RYR3: variants seen among roughly 807,000 people sequenced by gnomAD.
RYR3 encodes ryanodine receptor 3, also known as brain ryanodine receptor-calcium release channel.
A neutral mutation model predicts 584.3 loss-of-function variants in RYR3; 207 were observed. That is an observed-to-expected ratio of 0.35 (90% CI 0.32 to 0.40). RYR3 has a LOEUF of 0.40. Among genes scored for constraint, RYR3 ranks in the 10% least tolerant of loss-of-function variants. The pLI, the probability that RYR3 is intolerant of heterozygous loss-of-function variation, is 1.00. For synonymous variants in RYR3, 2,416 were observed against 2,248.5 expected, an observed-to-expected ratio of 1.07 and a Z score of -2.11; for missense variants, 5,616 against 6,089.2, an observed-to-expected ratio of 0.92 and a Z score of 2.59.
intron 4 of RYR3, among the ~76,000 whole-genome samples, chr15:33,531,859 A>T (rs1373938120): frequency 6.6e-6 from 1 of 152,144 alleles, no homozygotes; most frequent in Non-Finnish European, 1.5e-5. Flanking sequence ...TCTGGTGTTT[A>T]TCTATAGGGT....
At chr15:33,445,107 T>C (rs1284596728) in intron 1 of RYR3, among the ~76,000 whole-genome samples, 2 of 152,210 alleles carry the variant, frequency 1.3e-5, no homozygotes, top group Non-Finnish European at 2.9e-5. Flanking sequence ...AAGATTCCAT[T>C]CTTGGCCAAG....
At chr15:33,864,315 A>C in intron 103 of RYR3, 126 bp downstream of exon 103, 1 of 721,894 alleles carries the variant, frequency 1.4e-6, no homozygotes, top group East Asian at 2.8e-5. Context: ...TTTTCCCATC[A>C]CCTTTTTGTG....
At chr15:33,478,561 C>T (rs184590856) in intron 2 of RYR3, among the ~76,000 whole-genome samples, 5 of 152,300 alleles carry the variant, frequency 3.3e-5, no homozygotes. Context: ...AAGCAATGTA[C>T]CCTGGTAACA....
intron 62 of RYR3, among the ~76,000 whole-genome samples, chr15:33,770,728 C>T (rs958047446): frequency 3.3e-5 from 5 of 151,502 alleles, no homozygotes; most frequent in African/African-American, 1.2e-4. Flanking sequence ...GAGTGAGACC[C>T]CATCTCAAAA....
rs537770649 is a variant in RYR3 at position 33,488,251 on chromosome 15, T to A, written c.171+14713T>A. Among the ~76,000 whole-genome samples, 4 of 152,356 alleles carry A rather than the reference T, an allele frequency of 2.6e-5. No individual in the cohort carries two copies. The South Asian group carries it at 8.3e-4, about 32-fold the overall frequency. Reference sequence around the variant, plus strand: ...GTGTAAAGTAGCACCATAAGTCTGCTGTTCATTTGTCATTTACTTGCTCAC... The same window carrying A: ...GTGTAAAGTAGCACCATAAGTCTGCAGTTCATTTGTCATTTACTTGCTCAC... On this transcript the variant is annotated intron_variant, in intron 2 of 103. Coordinates refer to ENST00000634891, the MANE Select transcript of RYR3 (RefSeq NM_001036.6).
At chr15:33,511,394 C>T (rs1192691992) in intron 3 of RYR3, among the ~76,000 whole-genome samples, 1 of 148,488 alleles carries the variant, frequency 6.7e-6, no homozygotes, top group Admixed American at 6.7e-5. Flanking sequence ...AAGTTGAAAG[C>T]TTTCAGCAAA....
rs570454654 is a variant in RYR3, at chr15:33,383,470, T to C, written c.51+72374T>C. 4.6e-5 allele frequency among the ~76,000 whole-genome samples: 7 copies of C among 152,068 alleles called. No homozygotes were observed. The East Asian group carries it at 1.2e-3, about 25-fold the overall frequency. The stretch of plus-strand genomic sequence containing the variant: ...TGGATTTCATAATAGCATGAGTTAA[T>C]GTCCGGCATTTTCATGGGGTCCACA... On this transcript the variant is annotated intron_variant, in intron 1 of 103. Transcript: ENST00000634891.
chr15:33,369,407 G>T (rs1166969879), intron 1 of RYR3, among the ~76,000 whole-genome samples: 1 of 152,120 alleles, frequency 6.6e-6, no homozygotes, highest in Non-Finnish European at 1.5e-5. Context: ...TCTCCCTTTT[G>T]TTAAAAGCCT....
intron 85 of RYR3, 21 bp downstream of exon 85, chr15:33,827,308 C>CA (rs2077428916): frequency 1.3e-6 from 2 of 1,541,050 alleles, no homozygotes; most frequent in South Asian, 2.4e-5. Context: ...GGGCCTTGGA[C>CA]AATGGGACCT....
intron 1 of RYR3, among the ~76,000 whole-genome samples, chr15:33,455,511 G>A (rs928901909): frequency 6.6e-6 from 1 of 152,122 alleles, no homozygotes; most frequent in African/African-American, 2.4e-5. Flanking sequence ...GTGCCTTAAA[G>A]GCCAAAAGAA....
At chr15:33,780,409 G>T in intron 65 of RYR3, 68 bp downstream of exon 65, 1 of 1,540,760 alleles carries the variant, frequency 6.5e-7, no homozygotes, top group South Asian at 1.2e-5. Context: ...CACACAGGCA[G>T]GGAGCAGCAG....
At chr15:33,507,956 G>A (rs573400691) in intron 3 of RYR3, among the ~76,000 whole-genome samples, 1 of 152,206 alleles carries the variant, frequency 6.6e-6, no homozygotes, top group Admixed American at 6.5e-5. Flanking sequence ...CCTGTTATAC[G>A]GATCCTTCAG....
intron 60 of RYR3, 53 bp from the exon 61 acceptor site, chr15:33,768,605 C>A: frequency 2.0e-6 from 3 of 1,521,738 alleles, no homozygotes; most frequent in Non-Finnish European, 1.8e-6. Context: ...GGATACAAAG[C>A]GTGAGTCCTT....
chr15:33,676,202 G>C (rs2064166165), intron 38 of RYR3, among the ~76,000 whole-genome samples: 1 of 151,210 alleles, frequency 6.6e-6, no homozygotes, highest in African/African-American at 2.4e-5. Flanking sequence ...CCTGAAGGAA[G>C]GGGTCATGAG....
chr15:33,645,088 A>T (rs1222840134), intron 28 of RYR3, among the ~76,000 whole-genome samples: 2 of 152,120 alleles, frequency 1.3e-5, no homozygotes, highest in Non-Finnish European at 2.9e-5. Context: ...CTGAACATGT[A>T]TGTTGTTACC....
chr15:33,704,281 C>CAAAA (rs5811787), intron 42 of RYR3, among the ~76,000 whole-genome samples: 1 of 113,842 alleles, frequency 8.8e-6, no homozygotes, highest in Non-Finnish European at 1.9e-5. Context: ...GACTCCGTCT[C>CAAAA]AAAAAAAAAA....
At chr15:33,637,740 CT>C (rs563387658) in intron 27 of RYR3, among the ~76,000 whole-genome samples, 5 of 152,088 alleles carry the variant, frequency 3.3e-5, no homozygotes, top group African/African-American at 9.7e-5. Context: ...GACTTTTGCA[CT>C]TTTTTTTCAG....
intron 1 of RYR3, among the ~76,000 whole-genome samples, chr15:33,335,113 AGT>A: frequency 6.6e-6 from 1 of 152,368 alleles, no homozygotes; most frequent in Non-Finnish European, 1.5e-5. Context: ...TGTGGAAGAC[AGT>A]GTGGCAATTC....
intron 64 of RYR3, among the ~76,000 whole-genome samples, chr15:33,776,168 G>C (rs4779645): frequency 0.36 from 54,084 of 152,058 alleles, 10,280 homozygotes; most frequent in East Asian, 0.8. Flanking sequence ...AGTATGCTTT[G>C]TAGATAGAAA....
Sources: allele counts gnomAD v4.1 joint callset (sites outside exome capture counted in the v4.1 genomes callset), GRCh38; gene constraint gnomAD v4.1.1; transcripts MANE v1.5; gene names NCBI Gene and HGNC (gene_info 2026-07-23, HGNC 2026-07-21).